The following GRIN2D variants were observed in gnomAD, a reference collection of about 807,000 sequenced individuals.
GRIN2D encodes the protein glutamate ionotropic receptor NMDA type subunit 2D, also known as glutamate receptor ionotropic, NMDA 2D.
Under a neutral mutation model 103.2 loss-of-function variants are expected in GRIN2D, and 37 were observed. That is an observed-to-expected ratio of 0.36 (90% CI 0.28 to 0.47). The LOEUF is 0.47. GRIN2D is among the 20% of genes least tolerant of loss of function. The pLI is 1.00. For synonymous variants in GRIN2D, 845 were observed against 885.6 expected (o/e 0.95, Z 0.81); for missense variants, 1,557 against 1,910.6 (o/e 0.81, Z 3.45).
intron 3 of GRIN2D, among the ~76,000 whole-genome samples, chr19:48,400,573 GT>G (rs2147436821): frequency 6.6e-6 from 1 of 152,322 alleles, no homozygotes; most frequent in South Asian, 2.1e-4. Context: ...GGTCCTCTCT[GT>G]TTCATTGTCC....
chr19:48,404,915 A>G lies in GRIN2D; in HGVS notation c.647A>G (p.Glu216Gly), dbSNP rs1970765576. Residue 216 changes from glutamate (E) to glycine (G), a missense_variant, in exon 4 of 14, where the codon GAG becomes GGG. Physicochemically the swap from Glu to Gly is moderately conservative, Grantham distance 98. Around this residue, in one of 7 missense-constraint regions of GRIN2D, gnomAD observed 490 missense variants for 601.1 expected, o/e 0.82. Coordinates refer to ENST00000263269, the MANE Select transcript of GRIN2D (RefSeq NM_000836.4). ...VLTDGSLVGW[E>G]HRGALTLDPG... is the part of the protein sequence containing the mutation. ...ACTGACGGTAGTCTGGTGGGCTGGG[A>G]GCACCGCGGAGCGCTGACGCTGGAC... 1 of 1,613,770 alleles carries G rather than the reference A, an allele frequency of 6.2e-7. No individual in the cohort carries two copies. The highest frequency in any genetic ancestry group is 2.2e-5 in the East Asian group (1 of 44,892).
At chr19:48,413,848 G>A (rs1970907801) in intron 4 of GRIN2D, 143 bp from the exon 5 acceptor site, 1 of 634,302 alleles carries the variant, frequency 1.6e-6, no homozygotes, top group African/African-American at 1.8e-5. Flanking sequence ...GGGTATATTC[G>A]TGTTTTTGAG....
In GRIN2D at chr19:48,393,955, G is replaced by C. The variant is rs1191907275; in HGVS notation, c.-306+87G>C. Among the ~76,000 whole-genome samples the C allele has an allele frequency of 6.6e-6, 1 of 151,970 alleles. No individual in the cohort carries two copies. Among genetic ancestry groups the C allele is most frequent in the Non-Finnish European group, 1.5e-5 (1 of 67,974 alleles). ...CGCTGCGGCGGCGGAGGGAGGGAGG[G>C]GTCTGTCTGTCTGTACCGACCCTGA... On this transcript the variant is annotated intron_variant, in intron 1 of 13. Coordinates refer to ENST00000263269, the MANE Select transcript of GRIN2D (RefSeq NM_000836.4). This position sits in a 1 kb window ranked among gnomAD's most constrained non-coding sequence, Gnocchi z 5.6.
Position 48,414,304 on chromosome 19 carries a change from G to C in GRIN2D, c.1201-69G>C. 7.6e-7 allele frequency: 1 copy of C among 1,312,778 alleles called. No individual in the cohort carries two copies. The highest frequency in any genetic ancestry group is 1.1e-6 in the Non-Finnish European group (1 of 939,620). The allele number at this position is 1,312,778 out of a possible 1,614,324, so 81.3% of individuals were successfully genotyped here. A position where few individuals can be genotyped will look rare whatever the true frequency, so the allele number is the denominator to read the frequency against. ...CCACACACCTAGGTCTGAGGGAAGA[G>C]GATCATGGAGGCCAGGATACACCGG... On this transcript the variant is annotated intron_variant, in intron 5 of 13. Coordinates refer to ENST00000263269, the MANE Select transcript of GRIN2D (RefSeq NM_000836.4). This position sits in a 1 kb window ranked among gnomAD's most constrained non-coding sequence, Gnocchi z 4.6.
At position 48,444,659 on chromosome 19, in the gene GRIN2D, C is replaced by T. The variant is rs1280585395; in HGVS notation, c.*722C>T. The T allele has an allele frequency of 2.0e-5, 3 of 152,596 alleles. No individual in the cohort carries two copies. The highest frequency in any genetic ancestry group is 7.2e-5 in the African/African-American group (3 of 41,420). 9.5% of individuals were successfully genotyped at this position (152,596 alleles called of 1,614,324 possible). A position where few individuals can be genotyped will look rare whatever the true frequency, so the allele number is the denominator to read the frequency against. On this transcript the variant is annotated 3_prime_UTR_variant, in exon 14 of 14. Coordinates refer to ENST00000263269, the MANE Select transcript of GRIN2D (RefSeq NM_000836.4). The surrounding 1 kb of genome is among the most constrained non-coding windows in gnomAD (Gnocchi z 5.5). ...CCTTGCACCGCGATGAACCCAACCT[C>T]CCTGAAGCCAAAACTTCCCACCCTG...
At chr19:48,416,266 C>A in intron 8 of GRIN2D, 111 bp downstream of exon 8, 1 of 864,932 alleles carries the variant, frequency 1.2e-6, no homozygotes. Flanking sequence ...GGTACTTGAA[C>A]CCGCTGTGCA....
intron 4 of GRIN2D, among the ~76,000 whole-genome samples, chr19:48,409,133 G>C (rs758506457): frequency 5.9e-5 from 9 of 151,970 alleles, no homozygotes; most frequent in Non-Finnish European, 8.8e-5. Flanking sequence ...AGAGGAGTGA[G>C]GGAAGATCAA....
intron 11 of GRIN2D, among the ~76,000 whole-genome samples, chr19:48,424,873 A>G (rs1971069165): frequency 6.6e-6 from 1 of 152,170 alleles, no homozygotes; most frequent in Non-Finnish European, 1.5e-5. Context: ...GCCGCCCCCC[A>G]GGACCCTGGG....
chr19:48,427,298 C>G (rs113816235), intron 11 of GRIN2D, among the ~76,000 whole-genome samples: 18,880 of 151,408 alleles, frequency 0.12, 2,061 homozygotes, highest in African/African-American at 0.3. Context: ...TCCAGCCTGG[C>G]TGACAGAGTG....
chr19:48,406,606 C>A (rs550473025), intron 4 of GRIN2D, among the ~76,000 whole-genome samples: 2 of 152,264 alleles, frequency 1.3e-5, no homozygotes, highest in Middle Eastern at 6.8e-3. Context: ...TACTGAGCAC[C>A]CGCTAGGAAC....
chr19:48,403,720 C>A (rs1970746721), intron 3 of GRIN2D, among the ~76,000 whole-genome samples: 1 of 152,206 alleles, frequency 6.6e-6, no homozygotes, highest in Non-Finnish European at 1.5e-5. Flanking sequence ...GGAAAGGACA[C>A]TCTGCAAAGC....
chr19:48,416,806 T>C (rs372143126), intron 8 of GRIN2D, among the ~76,000 whole-genome samples: 38 of 149,222 alleles, frequency 2.5e-4, no homozygotes, highest in African/African-American at 8.6e-4. Context: ...AGTGGCACCA[T>C]CTCGGCTCAC....
At chr19:48,427,490 T>G (rs1971101950) in intron 11 of GRIN2D, among the ~76,000 whole-genome samples, 1 of 135,368 alleles carries the variant, frequency 7.4e-6, no homozygotes, top group Non-Finnish European at 1.6e-5. Flanking sequence ...TTTTTTTTTT[T>G]TTTTTTTGAG....
chr19:48,406,839 T>A (rs1381343954), intron 4 of GRIN2D, among the ~76,000 whole-genome samples: 1 of 152,100 alleles, frequency 6.6e-6, no homozygotes, highest in Non-Finnish European at 1.5e-5. Context: ...TCACTGGAGT[T>A]TCCTTAGGGA....
intron 11 of GRIN2D, among the ~76,000 whole-genome samples, chr19:48,422,302 A>G (rs1448922299): frequency 6.6e-6 from 1 of 152,144 alleles, no homozygotes; most frequent in Non-Finnish European, 1.5e-5. Flanking sequence ...TGTAATGATC[A>G]TAAGGTTGTT....
intron 7 of GRIN2D, among the ~76,000 whole-genome samples, chr19:48,415,366 T>C (rs1307374426): frequency 6.7e-6 from 1 of 150,222 alleles, no homozygotes; most frequent in African/African-American, 2.5e-5. Flanking sequence ...TGAGACTCAG[T>C]CTCAAAAAAT....
At chr19:48,433,775 C>T (rs1042632003) in intron 11 of GRIN2D, among the ~76,000 whole-genome samples, 20 of 152,122 alleles carry the variant, frequency 1.3e-4, no homozygotes, top group Non-Finnish European at 2.8e-4. Context: ...GATGCATTCA[C>T]ACTCACACAT....
intron 11 of GRIN2D, among the ~76,000 whole-genome samples, chr19:48,438,787 G>A (rs1024227148): frequency 6.6e-6 from 1 of 151,538 alleles, no homozygotes; most frequent in African/African-American, 2.4e-5. Context: ...GTGTTCATTT[G>A]TTTTGTTTTT....
At chr19:48,440,221 AAAAT>A (rs931254275) in intron 11 of GRIN2D, among the ~76,000 whole-genome samples, 4 of 151,940 alleles carry the variant, frequency 2.6e-5, no homozygotes, top group Non-Finnish European at 4.4e-5. Context: ...CAAGAAAAAA[AAAAT>A]AAATAAATAA....
Sources: gnomAD v4.1 joint callset for allele counts (sites outside exome capture counted in the v4.1 genomes callset) on GRCh38, gnomAD v4.1.1 for gene constraint, gnomAD v4.1.1 regional missense constraint, Gnocchi (gnomAD v3.1) non-coding constraint, MANE v1.5 for transcripts, NCBI Gene and HGNC (gene_info 2026-07-23, HGNC 2026-07-21) for gene names.